Variants in SCGB2B2 observed in about 807,000 individuals in gnomAD.
SCGB2B2 encodes secretoglobin-like protein.
SCGB2B2 carries 11 observed loss-of-function variants against 7.6 expected under a neutral mutation model. That is an observed-to-expected ratio of 1.45 (90% CI 0.91 to 2.40). SCGB2B2 has a LOEUF of 2.40. SCGB2B2 is among the 30% of genes most tolerant of loss of function. SCGB2B2 has a pLI of 0.00. For synonymous variants in SCGB2B2, 50 were observed against 48.6 expected, an observed-to-expected ratio of 1.03 and a Z score of -0.12; for missense variants, 104 against 115.4, an observed-to-expected ratio of 0.90 and a Z score of 0.45.
In SCGB2B2 at chr19:34,594,652, C is replaced by CGTGTGTGTGTGT. The variant is rs3055684; in HGVS notation, c.-101_-90dup. ...TATCTGAACAAGGCACATGCCTCTT[C>CGTGTGTGTGTGT]GTGTGTGTGTGTGTGTGTGTGTGTG... On this transcript the variant is annotated 5_prime_UTR_variant, in exon 2 of 4. Transcript: ENST00000601241. 5.8e-5 allele frequency: 38 copies of CGTGTGTGTGTGT among 659,414 alleles called. No homozygotes were observed. Among genetic ancestry groups the CGTGTGTGTGTGT allele is most frequent in the African/African-American group, 4.0e-4 (21 of 52,562 alleles). 40.8% of individuals were successfully genotyped at this position (659,414 alleles called of 1,614,324 possible).
intron 1 of SCGB2B2, among the ~76,000 whole-genome samples, chr19:34,666,970 T>C (rs1038297752): frequency 3.3e-5 from 5 of 152,008 alleles, no homozygotes; most frequent in Non-Finnish European, 7.4e-5. Flanking sequence ...TGTCAACAGA[T>C]ATCATCCCAC....
chr19:34,637,310 G>T (rs2145981979), intron 1 of SCGB2B2, among the ~76,000 whole-genome samples: 1 of 152,290 alleles, frequency 6.6e-6, no homozygotes, highest in East Asian at 1.9e-4. Context: ...CTGGGGAGGG[G>T]ACAGAGAATG....
chr19:34,635,393 G>T, intron 1 of SCGB2B2: 1 of 292,370 alleles, frequency 3.4e-6, no homozygotes. Flanking sequence ...TAACAAGGTG[G>T]GTGCTTCTGC....
intron 1 of SCGB2B2, among the ~76,000 whole-genome samples, chr19:34,638,486 CAA>C (rs2066753052): frequency 6.7e-6 from 1 of 149,088 alleles, no homozygotes; most frequent in African/African-American, 2.5e-5. Context: ...CCCAAAAAAA[CAA>C]ACAATGACAA....
At chr19:34,673,173 A>C (rs1055056455) in intron 1 of SCGB2B2, among the ~76,000 whole-genome samples, 5 of 152,214 alleles carry the variant, frequency 3.3e-5, no homozygotes, top group Admixed American at 6.5e-5. Flanking sequence ...GCTAAGAGCT[A>C]GTGGAAGGGA....
chr19:34,605,708 C>T (rs998682696), intron 1 of SCGB2B2, among the ~76,000 whole-genome samples: 2 of 152,158 alleles, frequency 1.3e-5, no homozygotes, highest in African/African-American at 4.8e-5. Context: ...CTGCCTCAGC[C>T]TCCTGAGTAG....
intron 1 of SCGB2B2, among the ~76,000 whole-genome samples, chr19:34,661,388 G>A (rs963929423): frequency 2.0e-5 from 3 of 152,082 alleles, no homozygotes; most frequent in African/African-American, 4.8e-5. Flanking sequence ...CCAGTGTTAT[G>A]GAGAGGAATA....
rs1031267418 is a variant in SCGB2B2, at chr19:34,675,939, A to C, written c.-2341T>G. On this transcript the variant is annotated 5_prime_UTR_variant, in exon 1 of 4. Coordinates refer to ENST00000601241, the MANE Select transcript of SCGB2B2 (RefSeq NM_001025591.4). ...GCTGGCTTCAAGAGTGAAGCTGCAG[A>C]CCTTCAGGGTGAGTGTTGCAGCTCA... 3 of 152,434 alleles carry C rather than the reference A, an allele frequency of 2.0e-5. No individual in the cohort carries two copies. Among genetic ancestry groups the C allele is most frequent in the Admixed American group, 2.0e-4 (3 of 15,264 alleles). The allele number at this position is 152,434 out of a possible 1,614,324, so 9.4% of individuals were successfully genotyped here.
At chr19:34,615,859 C>A (rs989114986) in intron 1 of SCGB2B2, among the ~76,000 whole-genome samples, 3 of 130,886 alleles carry the variant, frequency 2.3e-5, no homozygotes, top group Non-Finnish European at 4.8e-5. Context: ...CCACAACAGT[C>A]CCCAGAGTGT....
At chr19:34,603,413 G>A (rs1600040456) in intron 1 of SCGB2B2, among the ~76,000 whole-genome samples, 1 of 152,192 alleles carries the variant, frequency 6.6e-6, no homozygotes, top group South Asian at 2.1e-4. Context: ...TCATTGCCTT[G>A]CTTTCCTGAC....
intron 1 of SCGB2B2, chr19:34,635,846 G>T: frequency 6.4e-6 from 1 of 155,128 alleles, no homozygotes; most frequent in Non-Finnish European, 1.4e-5. Context: ...TCTTAACAAA[G>T]CCCTATCCTT....
chr19:34,588,791 T>C (rs148361667), downstream of SCGB2B2, among the ~76,000 whole-genome samples: 17 of 152,178 alleles, frequency 1.1e-4, no homozygotes, highest in African/African-American at 3.6e-4. Flanking sequence ...AGGGCACATA[T>C]GGGGTGACCG....
chr19:34,633,929 G>A (rs1471817864), intron 1 of SCGB2B2, among the ~76,000 whole-genome samples: 6 of 152,128 alleles, frequency 3.9e-5, no homozygotes, highest in Admixed American at 6.5e-5. Context: ...GCAAAGACTA[G>A]CGAGCAATAA....
intron 1 of SCGB2B2, among the ~76,000 whole-genome samples, chr19:34,600,544 T>G (rs1443249185): frequency 1.3e-5 from 2 of 152,230 alleles, no homozygotes; most frequent in African/African-American, 4.8e-5. Context: ...ATTGCCACAA[T>G]CTGGTATCGT....
chr19:34,674,143 A>G (rs2067866447), intron 1 of SCGB2B2, among the ~76,000 whole-genome samples: 1 of 152,222 alleles, frequency 6.6e-6, no homozygotes, highest in Non-Finnish European at 1.5e-5. Flanking sequence ...AACCACCATA[A>G]TTCTTCCAGT....
intron 1 of SCGB2B2, chr19:34,640,772 T>A (rs1474108082): frequency 2.0e-5 from 3 of 152,198 alleles, no homozygotes; most frequent in Admixed American, 6.5e-5. Flanking sequence ...TATGTTTTTT[T>A]CTGGTGGGTC....
chr19:34,603,772 T>G (rs1430621029), intron 1 of SCGB2B2, among the ~76,000 whole-genome samples: 3 of 125,644 alleles, frequency 2.4e-5, no homozygotes, highest in South Asian at 5.2e-4. Context: ...TTCCATAATA[T>G]CTTATTTTTT....
chr19:34,612,000 T>C (rs2065940199), intron 1 of SCGB2B2, among the ~76,000 whole-genome samples: 1 of 146,946 alleles, frequency 6.8e-6, no homozygotes, highest in African/African-American at 2.5e-5. Context: ...TGAATTTTCA[T>C]ATATTTGTGT....
At chr19:34,608,687 C>CTATATATATATATATATATATA (rs1568430852) in intron 1 of SCGB2B2, 3 of 40,062 alleles carry the variant, frequency 7.5e-5, no homozygotes, top group African/African-American at 1.4e-4. Context: ...ATATATATAC[C>CTATATATATATATATATATATA]GTATTTTCTT....
Sources: gnomAD v4.1 joint callset for allele counts (sites outside exome capture counted in the v4.1 genomes callset) on GRCh38, gnomAD v4.1.1 for gene constraint, MANE v1.5 for transcripts, NCBI Gene and HGNC (gene_info 2026-07-23, HGNC 2026-07-21) for gene names.